The following BUB1B variants were observed in gnomAD, a reference collection of about 807,000 sequenced individuals.
BUB1B encodes the protein BUB1 mitotic checkpoint serine/threonine kinase B.
Under a neutral mutation model 137.7 loss-of-function variants are expected in BUB1B, and 86 were observed. That is an observed-to-expected ratio of 0.62 (90% CI 0.52 to 0.75). The LOEUF (loss-of-function observed/expected upper bound fraction) is 0.75, where lower values mean the gene tolerates loss of function less well. Ranked by LOEUF, BUB1B falls within the 30% of genes least tolerant of loss-of-function variation. BUB1B has a pLI of 0.00. For synonymous variants in BUB1B, 420 were observed against 417.9 expected, an observed-to-expected ratio of 1.00 and a Z score of -0.06; for missense variants, 1,130 against 1,236.9, an observed-to-expected ratio of 0.91 and a Z score of 1.30.
intron 14 of BUB1B, among the ~76,000 whole-genome samples, chr15:40,205,379 T>G (rs1190754585): frequency 6.6e-6 from 1 of 152,198 alleles, no homozygotes; most frequent in African/African-American, 2.4e-5. Flanking sequence ...CCATATGGGT[T>G]AAATCAAATA....
chr15:40,161,241 AG>A lies in BUB1B; in HGVS notation c.26del (p.Gly9ValfsTer3). Reference protein sequence around the residue: MAAVKKEGGALSEAMSLE... With the variant: MAAVKKEXGALSEAMSLE... ...GCAGGATGGCGGCGGTGAAGAAGGA[AG>A]GGGGTGCTCTGAGGTAGGTACGGGA... On this transcript the variant is annotated frameshift_variant, in exon 1 of 23. Transcript: ENST00000287598. LOFTEE classifies it high-confidence loss of function. The A allele has an allele frequency of 6.2e-7, 1 of 1,613,270 alleles. No individual in the cohort carries two copies. The highest frequency in any genetic ancestry group is 8.5e-7 in the Non-Finnish European group (1 of 1,179,634).
In BUB1B at chr15:40,189,829, T is replaced by C. The variant is rs552434836; in HGVS notation, c.1058+4187T>C. ...AGCTGTACCATTTTACCTTCTCACA[T>C]TCCCCTAATGTACGAGTACTCCAAT... On this transcript the variant is annotated intron_variant, in intron 8 of 22. Coordinates refer to ENST00000287598, the MANE Select transcript of BUB1B (RefSeq NM_001211.6). Among the ~76,000 whole-genome samples, 22 of 152,362 alleles carry C rather than the reference T, an allele frequency of 1.4e-4. No individual in the cohort carries two copies. In the East Asian group the frequency reaches 4.2e-3, roughly 29 times the overall value.
intron 19 of BUB1B, among the ~76,000 whole-genome samples, chr15:40,212,865 T>C (rs553736876): frequency 6.6e-6 from 1 of 152,330 alleles, no homozygotes; most frequent in South Asian, 2.1e-4. Context: ...TAAATAAAAG[T>C]AGAATTGTAC....
chr15:40,198,339 A>G (rs1449339640), intron 9 of BUB1B, among the ~76,000 whole-genome samples: 5 of 151,922 alleles, frequency 3.3e-5, no homozygotes, highest in Admixed American at 6.6e-5. Context: ...TGGCCTTTCA[A>G]AGTGCTGGGA....
intron 8 of BUB1B, among the ~76,000 whole-genome samples, chr15:40,189,348 C>T (rs1349283903): frequency 6.6e-6 from 1 of 152,180 alleles, no homozygotes; most frequent in African/African-American, 2.4e-5. Context: ...TCAGTAAAGA[C>T]AGGCTTTCAC....
In BUB1B at chr15:40,221,041, T is replaced by C. The variant is rs761634076; in HGVS notation, c.*282T>C. 13 of 448,576 alleles carry C rather than the reference T, an allele frequency of 2.9e-5. No homozygotes were observed. Among genetic ancestry groups the C allele is most frequent in the Non-Finnish European group, 5.2e-5 (13 of 247,742 alleles). The allele number at this position is 448,576 out of a possible 1,614,324, so 27.8% of individuals were successfully genotyped here. A position where few individuals can be genotyped will look rare whatever the true frequency, so the allele number is the denominator to read the frequency against. On this transcript the variant is annotated 3_prime_UTR_variant, in exon 23 of 23. Transcript: ENST00000287598. ...TAACCCATTTGTCTCTACTTTTCCC[T>C]GTACTTTTCCCATTTGTAATTTGTA...
intron 4 of BUB1B, 70 bp downstream of exon 4, chr15:40,170,751 T>C: frequency 6.5e-7 from 1 of 1,527,678 alleles, no homozygotes; most frequent in Non-Finnish European, 9.0e-7. Context: ...AGGTATCTGG[T>C]ATACCAAAAA....
chr15:40,188,152 A>G (rs1219815564), intron 8 of BUB1B, among the ~76,000 whole-genome samples: 1 of 152,014 alleles, frequency 6.6e-6, no homozygotes, highest in African/African-American at 2.4e-5. Flanking sequence ...AGTTCAAGCA[A>G]TTCTCCTGCC....
intron 10 of BUB1B, 72 bp from the exon 11 acceptor site, chr15:40,200,172 C>G: frequency 9.9e-7 from 1 of 1,010,776 alleles, no homozygotes; most frequent in Non-Finnish European, 1.5e-6. Context: ...TACAGTAAAG[C>G]TAATGTTAGA....
At chr15:40,180,635 T>C (rs1244315420) in intron 5 of BUB1B, among the ~76,000 whole-genome samples, 2 of 136,648 alleles carry the variant, frequency 1.5e-5, no homozygotes, top group East Asian at 2.1e-4. Context: ...GTTTCTTTTT[T>C]CTTTTTCTTT....
intron 8 of BUB1B, among the ~76,000 whole-genome samples, chr15:40,193,297 G>A (rs2037458853): frequency 6.6e-6 from 1 of 152,014 alleles, no homozygotes; most frequent in Admixed American, 6.6e-5. Flanking sequence ...AGCTTCTATT[G>A]TTCCACATCC....
chr15:40,200,859 T>C, intron 11 of BUB1B, 72 bp from the exon 12 acceptor site: 3 of 1,300,256 alleles, frequency 2.3e-6, no homozygotes, highest in Non-Finnish European at 3.3e-6. Flanking sequence ...GAAAAGCCTC[T>C]TGGACTTTTA....
At position 40,217,609 on chromosome 15, in the gene BUB1B, G is replaced by C. The variant is rs751509832; in HGVS notation, c.2792G>C (p.Arg931Pro). The C allele has an allele frequency of 1.9e-6, 3 of 1,614,060 alleles. No individual in the cohort carries two copies. The highest frequency in any genetic ancestry group is 2.5e-6 in the Non-Finnish European group (3 of 1,180,008). The change falls in exon 21 of 23, where the codon CGG becomes CCG. Residue 931 changes from arginine to proline, a missense_variant. Transcript: ENST00000287598. Reference protein sequence around the residue: ...QLDVFTLSGFRTVQILEGQKI... With the variant: ...QLDVFTLSGFPTVQILEGQKI... ...GATGTTTTTACCCTCAGCGGCTTTCGGACTGTACAGATCCTGGAAGGACAA... is the reference window on the plus strand; with the variant it reads ...GATGTTTTTACCCTCAGCGGCTTTCCGACTGTACAGATCCTGGAAGGACAA...
rs1205669680 is a variant in BUB1B, at chr15:40,185,223, T to C, written c.810T>C (p.Ser270=). The C allele has an allele frequency of 2.5e-6, 4 of 1,613,978 alleles. No homozygotes were observed. In the African/African-American group the frequency reaches 5.3e-5, roughly 22 times the overall value. The change falls in exon 7 of 23, where the codon AGT becomes AGC. Residue 270 remains serine (S), a synonymous_variant. Coordinates refer to ENST00000287598, the MANE Select transcript of BUB1B (RefSeq NM_001211.6). Reference sequence around the variant, plus strand: ...TTCCTCAACAGATGCAAAATAATAGTAGAATTACTGTTTTTGATGAAAATG... The same window carrying C: ...TTCCTCAACAGATGCAAAATAATAGCAGAATTACTGTTTTTGATGAAAATG... ...NPFPQQMQNN[S]RITVFDENAD... is the part of the protein sequence containing the mutation.
At chr15:40,171,676 C>T (rs1396778091) in intron 4 of BUB1B, among the ~76,000 whole-genome samples, 2 of 152,126 alleles carry the variant, frequency 1.3e-5, no homozygotes, top group African/African-American at 2.4e-5. Flanking sequence ...TCTGGTATCC[C>T]TTTCACTCCT....
chr15:40,205,032 C>A (rs969317035), intron 14 of BUB1B, among the ~76,000 whole-genome samples: 1 of 150,758 alleles, frequency 6.6e-6, no homozygotes, highest in African/African-American at 2.4e-5. Context: ...CTGCAGCCTC[C>A]GCCTCCTGGG....
rs982001367 is a variant in BUB1B at position 40,216,313 on chromosome 15, C to A, written c.2679-1183C>A. ...ATTAGCCAGGCATGGTGGCACACACCAGTAGTCCCAGCTACTCGGGAGGCT... is the reference window on the plus strand; with the variant it reads ...ATTAGCCAGGCATGGTGGCACACACAAGTAGTCCCAGCTACTCGGGAGGCT... On this transcript the variant is annotated intron_variant, in intron 20 of 22. Transcript: ENST00000287598. Among the ~76,000 whole-genome samples the A allele has an allele frequency of 2.6e-5, 4 of 151,750 alleles. No homozygotes were observed. In the South Asian group the frequency reaches 8.3e-4, roughly 32 times the overall value.
intron 6 of BUB1B, among the ~76,000 whole-genome samples, chr15:40,184,267 C>A (rs545474212): frequency 1.3e-5 from 2 of 151,790 alleles, no homozygotes. Context: ...ATTAGACTCT[C>A]TATATACCCA....
chr15:40,174,644 G>T (rs1209841912), intron 4 of BUB1B, among the ~76,000 whole-genome samples: 4 of 152,190 alleles, frequency 2.6e-5, no homozygotes, highest in Admixed American at 6.5e-5. Flanking sequence ...TTCTCTAGTA[G>T]TAACAGAACT....
Sources: gnomAD v4.1 joint callset for allele counts (sites outside exome capture counted in the v4.1 genomes callset) on GRCh38, gnomAD v4.1.1 for gene constraint, MANE v1.5 for transcripts, NCBI Gene and HGNC (gene_info 2026-07-23, HGNC 2026-07-21) for gene names.